The following BCL2L14 variants were observed in gnomAD, a reference collection of about 807,000 sequenced individuals.
The protein encoded by BCL2L14 is apoptosis facilitator Bcl-2-like protein 14.
A neutral mutation model predicts 35.3 loss-of-function variants in BCL2L14; 27 were observed. That is an observed-to-expected ratio of 0.76 (90% confidence interval 0.56 to 1.05). BCL2L14 has a LOEUF of 1.05. Ranked by LOEUF, BCL2L14 falls within the 50% of genes least tolerant of loss-of-function variation. The pLI, the probability that BCL2L14 is intolerant of heterozygous loss-of-function variation, is 0.00. For synonymous variants in BCL2L14, 139 were observed against 145.9 expected, an observed-to-expected ratio of 0.95 and a Z score of 0.34; for missense variants, 377 against 382.6, an observed-to-expected ratio of 0.99 and a Z score of 0.12.
intron 2 of BCL2L14, among the ~76,000 whole-genome samples, chr12:12,061,964 G>A (rs1040407729): frequency 2.6e-5 from 4 of 152,254 alleles, no homozygotes; most frequent in East Asian, 1.9e-4. Flanking sequence ...AGCCAGGACC[G>A]CACCCTGTAA....
At position 12,062,212 on chromosome 12, in the gene BCL2L14, A is replaced by G. The variant is rs879308057; in HGVS notation, c.-272+10365A>G. Among the ~76,000 whole-genome samples the G allele has an allele frequency of 4.6e-3, 689 of 150,928 alleles. 2 individuals are homozygous for G. The highest frequency in any genetic ancestry group is 0.01 in the Middle Eastern group (3 of 292). On this transcript the variant is annotated intron_variant, in intron 2 of 3. Transcript: ENST00000461264. ...CTCTTTGTTAAGTCCCACAATTACC[A>G]TTGTTCCTGGCCCGGACTTCAATCT...
rs1021802239 is a variant in BCL2L14 at position 12,064,050 on chromosome 12, G to A, written c.-272+12203G>A. Reference sequence around the variant, plus strand: ...TTGCTCACACAAAGCCTGTTTAGTAGTCTCTTCACATGGACATGCATGAAA... The same window carrying A: ...TTGCTCACACAAAGCCTGTTTAGTAATCTCTTCACATGGACATGCATGAAA... On this transcript the variant is annotated intron_variant, in intron 2 of 3. Coordinates refer to the BCL2L14 transcript ENST00000461264. 5.9e-5 allele frequency among the ~76,000 whole-genome samples: 9 copies of A among 152,144 alleles called. No individual in the cohort carries two copies. In the South Asian group the frequency reaches 1.7e-3, roughly 28 times the overall value.
upstream of BCL2L14, chr12:12,068,101 G>A (rs1352121502): frequency 2.8e-5 from 11 of 397,578 alleles, no homozygotes; most frequent in Non-Finnish European, 4.4e-5. Context: ...GCTCCACCAC[G>A]CCCAGCTAAC....
chr12:12,083,232 G>A (rs529777959), intron 2 of BCL2L14, among the ~76,000 whole-genome samples: 97 of 152,284 alleles, frequency 6.4e-4, no homozygotes, highest in Admixed American at 2.9e-3. Context: ...CCAAAGTGCT[G>A]GGATTACAGG....
chr12:12,055,890 C>G (rs1317898927), intron 2 of BCL2L14: 3 of 152,208 alleles, frequency 2.0e-5, no homozygotes, highest in Non-Finnish European at 2.9e-5. Flanking sequence ...CTTGACCAAA[C>G]TTTAGTCAGG....
chr12:12,074,965 A>G (rs1426963677), intron 1 of BCL2L14, among the ~76,000 whole-genome samples: 2 of 97,460 alleles, frequency 2.1e-5, no homozygotes, highest in African/African-American at 8.8e-5. Context: ...CTTCCTTAAT[A>G]TCATCTAAAA....
intron 5 of BCL2L14, 98 bp from the exon 6 acceptor site, chr12:12,098,852 C>T (rs1359691210): frequency 1.2e-5 from 10 of 869,164 alleles, no homozygotes; most frequent in Middle Eastern, 2.2e-4. Context: ...TCCTGAGCCT[C>T]GGGTCACGCC....
At chr12:12,087,516 C>A in intron 3 of BCL2L14, 130 bp downstream of exon 3, 1 of 1,058,244 alleles carries the variant, frequency 9.4e-7, no homozygotes, top group Non-Finnish European at 1.4e-6. Context: ...CAGCCACAGG[C>A]TGTGGGCAAT....
chr12:12,067,219 C>A (rs2430602), upstream of BCL2L14, among the ~76,000 whole-genome samples: 150,139 of 152,160 alleles, frequency 0.99, 74,110 homozygotes, highest in East Asian at 1. Flanking sequence ...GGAATGATGT[C>A]GCCACTAAAA....
intron 2 of BCL2L14, among the ~76,000 whole-genome samples, chr12:12,054,177 C>A (rs1948397326): frequency 6.6e-6 from 1 of 151,988 alleles, no homozygotes; most frequent in Admixed American, 6.6e-5. Flanking sequence ...GGATAGGAAA[C>A]CAAGTCTAGT....
intron 2 of BCL2L14, among the ~76,000 whole-genome samples, chr12:12,080,315 C>T (rs1948888517): frequency 6.6e-6 from 1 of 151,058 alleles, no homozygotes; most frequent in South Asian, 2.1e-4. Context: ...GTCCTCTGTA[C>T]CAGACACCAA....
Position 12,096,177 on chromosome 12 carries a change from A to G in BCL2L14, c.945+1247A>G, listed in dbSNP as rs1040548611. On this transcript the variant is annotated intron_variant, in intron 5 of 5. Coordinates refer to ENST00000308721, the MANE Select transcript of BCL2L14 (RefSeq NM_138723.2). The stretch of plus-strand genomic sequence containing the variant: ...ATATACAAAAGATGATCAAATTCCC[A>G]ATTGACTATGTTTCAAGCATTCATT... The G allele has an allele frequency of 4.1e-6, 4 of 976,022 alleles. No individual in the cohort carries two copies. In the African/African-American group the frequency reaches 7.0e-5, roughly 17 times the overall value. The allele number at this position is 976,022 out of a possible 1,614,324, so 60.5% of individuals were successfully genotyped here. A position where few individuals can be genotyped will look rare whatever the true frequency, so the allele number is the denominator to read the frequency against.
At chr12:12,076,327 C>T (rs543562826) in intron 1 of BCL2L14, among the ~76,000 whole-genome samples, 4 of 151,668 alleles carry the variant, frequency 2.6e-5, no homozygotes, top group East Asian at 3.9e-4. Flanking sequence ...ACAGAGCAAA[C>T]GATTTGCATG....
rs1037118093 is a variant in BCL2L14 at position 12,090,155 on chromosome 12, G to A, written c.608-624G>A. ...ATCTTCATAGACAGAATCCTGTGCT[G>A]TGAAACCGATGTCTTCAACAACAAG... On this transcript the variant is annotated intron_variant, in intron 3 of 5. Transcript: ENST00000308721. 3.3e-5 allele frequency among the ~76,000 whole-genome samples: 5 copies of A among 152,182 alleles called. No individual in the cohort carries two copies. The South Asian group carries it at 8.3e-4, about 25-fold the overall frequency.
chr12:12,088,595 GA>G (rs1312575490), intron 3 of BCL2L14, among the ~76,000 whole-genome samples: 1 of 152,162 alleles, frequency 6.6e-6, no homozygotes, highest in Non-Finnish European at 1.5e-5. Flanking sequence ...TGTTAGAAAA[GA>G]AAATGATTTG....
intron 1 of BCL2L14, among the ~76,000 whole-genome samples, chr12:12,076,880 GA>G (rs1229574761): frequency 6.6e-6 from 1 of 152,148 alleles, no homozygotes; most frequent in East Asian, 1.9e-4. Flanking sequence ...GAACCAGGGG[GA>G]AAAGTTAGAG....
At chr12:12,094,393 A>AT (rs1299528475) in intron 4 of BCL2L14, 1 of 918,716 alleles carries the variant, frequency 1.1e-6, no homozygotes, top group African/African-American at 1.6e-5. Flanking sequence ...CCTGCCCATT[A>AT]TAAGTGCTCA....
At chr12:12,084,191 TA>T (rs1273413592) in intron 2 of BCL2L14, among the ~76,000 whole-genome samples, 7 of 152,226 alleles carry the variant, frequency 4.6e-5, no homozygotes, top group Non-Finnish European at 8.8e-5. Context: ...ACTCCTGGCC[TA>T]AAATGATGGC....
At chr12:12,093,817 A>G (rs1433853526) in intron 4 of BCL2L14, among the ~76,000 whole-genome samples, 2 of 139,082 alleles carry the variant, frequency 1.4e-5, no homozygotes, top group South Asian at 2.3e-4. Context: ...GAAAGAAAGA[A>G]AAGAAAAGAA....
Sources: gnomAD v4.1 joint callset for allele counts (sites outside exome capture counted in the v4.1 genomes callset) on GRCh38, gnomAD v4.1.1 for gene constraint, MANE v1.5 for transcripts, NCBI Gene and HGNC (gene_info 2026-07-23, HGNC 2026-07-21) for gene names.